The following NGEF variants were observed in gnomAD, a reference collection of about 807,000 sequenced individuals.
NGEF encodes ephexin-1.
NGEF carries 31 observed loss-of-function variants against 80.9 expected under a neutral mutation model. The ratio of observed to expected loss-of-function variants is 0.38; its 90% CI spans 0.29 to 0.52. NGEF has a LOEUF of 0.52. NGEF is among the 20% of genes least tolerant of loss of function. NGEF has a pLI of 0.84. For missense variants in NGEF, 709 were observed against 926.2 expected, an observed-to-expected ratio of 0.77 and a Z score of 3.04; for synonymous variants, 371 against 370.2, an observed-to-expected ratio of 1.00 and a Z score of -0.03.
intron 8 of NGEF, chr2:232,890,830 C>T (rs1275382731): frequency 1.5e-5 from 7 of 456,948 alleles, no homozygotes; most frequent in Middle Eastern, 6.5e-4. Context: ...ACACTGAGGA[C>T]AGGACCCAAT....
chr2:232,887,841 G>T (rs2250660), intron 9 of NGEF, among the ~76,000 whole-genome samples, 192 bp downstream of exon 9: 1 of 152,066 alleles, frequency 6.6e-6, no homozygotes, highest in African/African-American at 2.4e-5. Context: ...GGTAAAGAAG[G>T]CTCTCTACCC....
chr2:232,963,498 TAA>T (rs1206270866), intron 3 of NGEF, among the ~76,000 whole-genome samples: 2 of 151,914 alleles, frequency 1.3e-5, no homozygotes, highest in African/African-American at 4.9e-5. Flanking sequence ...TCATCAAAAT[TAA>T]AAATTTCTGC....
intron 3 of NGEF, among the ~76,000 whole-genome samples, chr2:232,939,889 C>T (rs563368822): frequency 1.1e-4 from 17 of 151,720 alleles, no homozygotes; most frequent in Admixed American, 3.3e-4. Flanking sequence ...CCCAGTTACT[C>T]GGGAGGCTGA....
rs1024409628 is a variant in NGEF, at chr2:232,885,298, C to T, written c.1419G>A (p.Lys473=). The stretch of plus-strand genomic sequence containing the variant: ...GGTTCACCTTGATCTTGAACTCCAT[C>T]TTCTTCTGAATGCTGATCATCTGTT... ...RTEQMISIQK[K]MEFKIKSVPI... Residue 473 remains lysine (K), a synonymous_variant, in exon 10 of 15, where the codon AAG becomes AAA. Coordinates refer to ENST00000264051, the MANE Select transcript of NGEF (RefSeq NM_019850.3). The T allele has an allele frequency of 1.2e-6, 2 of 1,614,096 alleles. No homozygotes were observed. The highest frequency in any genetic ancestry group is 1.7e-5 in the Admixed American group (1 of 60,030).
At chr2:233,005,318 G>T (rs936340125) in intron 1 of NGEF, among the ~76,000 whole-genome samples, 1 of 152,204 alleles carries the variant, frequency 6.6e-6, no homozygotes, top group African/African-American at 2.4e-5. Flanking sequence ...GGGGAGCAGT[G>T]CCCTTGGGGC....
intron 3 of NGEF, among the ~76,000 whole-genome samples, chr2:232,947,844 GA>G (rs1693590521): frequency 6.6e-6 from 1 of 152,166 alleles, no homozygotes; most frequent in African/African-American, 2.4e-5. Context: ...GTCAGTCACA[GA>G]AAAAGAAAGA....
At chr2:232,907,688 GT>G (rs202106041) in intron 5 of NGEF, among the ~76,000 whole-genome samples, 1 of 47,604 alleles carries the variant, frequency 2.1e-5, no homozygotes, top group Non-Finnish European at 4.2e-5. Context: ...ATAAAAGAAA[GT>G]AAAAAAAAAA....
At chr2:232,938,929 C>T (rs1394278831) in intron 3 of NGEF, among the ~76,000 whole-genome samples, 9 of 151,730 alleles carry the variant, frequency 5.9e-5, no homozygotes, top group Admixed American at 5.9e-4. Context: ...GCCTGTAATC[C>T]CAGCACTTTG....
At chr2:232,970,057 T>C (rs1408121506) in intron 3 of NGEF, 157 bp downstream of exon 3, 19 of 406,164 alleles carry the variant, frequency 4.7e-5, no homozygotes, top group East Asian at 1.7e-4. Context: ...TTTTAAATTA[T>C]GGAGTTTTTA....
chr2:232,942,904 C>CTTTTTT (rs60735452), intron 3 of NGEF, among the ~76,000 whole-genome samples: 1 of 117,894 alleles, frequency 8.5e-6, no homozygotes, highest in Non-Finnish European at 1.7e-5. Context: ...AGTGAAATTT[C>CTTTTTT]TTTTTTTTTT....
At chr2:232,974,108 G>A (rs6437078) in intron 2 of NGEF, among the ~76,000 whole-genome samples, 89,649 of 152,080 alleles carry the variant, frequency 0.59, 27,627 homozygotes, top group African/African-American at 0.73. Flanking sequence ...TCTGCTCAAT[G>A]CATATATTTT....
intron 3 of NGEF, among the ~76,000 whole-genome samples, chr2:232,940,306 A>C (rs1168696522): frequency 6.6e-6 from 1 of 152,260 alleles, no homozygotes; most frequent in East Asian, 1.9e-4. Context: ...GAAACACAGC[A>C]ATCAAAGAGT....
chr2:232,987,679 C>T (rs980371007), intron 1 of NGEF, among the ~76,000 whole-genome samples: 3 of 152,134 alleles, frequency 2.0e-5, no homozygotes, highest in Non-Finnish European at 4.4e-5. Flanking sequence ...TGGGAATACG[C>T]TGCCCATGGG....
chr2:232,933,709 C>T (rs1693266068), intron 3 of NGEF, among the ~76,000 whole-genome samples: 1 of 152,216 alleles, frequency 6.6e-6, no homozygotes, highest in African/African-American at 2.4e-5. Context: ...CACAGTTCTC[C>T]AGGTTCTGGG....
intron 9 of NGEF, among the ~76,000 whole-genome samples, chr2:232,886,706 A>C (rs1391245194): frequency 6.6e-6 from 1 of 152,272 alleles, no homozygotes; most frequent in Admixed American, 6.5e-5. Flanking sequence ...TTAAAAACAG[A>C]AAACATACCC....
At chr2:232,970,385 A>C in intron 2 of NGEF, 57 bp from the exon 3 acceptor site, 3 of 1,136,598 alleles carry the variant, frequency 2.6e-6, no homozygotes, top group Non-Finnish European at 1.3e-6. Context: ...CTTTTCAGGC[A>C]ATTCTCTGTA....
intron 6 of NGEF, among the ~76,000 whole-genome samples, 189 bp from the exon 7 acceptor site, chr2:232,893,239 G>A (rs574648849): frequency 3.3e-5 from 5 of 152,252 alleles, no homozygotes; most frequent in Admixed American, 6.5e-5. Flanking sequence ...CTTGAAGAAT[G>A]ACTGTGTTTT....
intron 5 of NGEF, chr2:232,901,591 T>G (rs1692359187): frequency 9.1e-6 from 2 of 219,502 alleles, no homozygotes; most frequent in African/African-American, 2.3e-5. Flanking sequence ...GCTCACTGGC[T>G]GCCCTCCACC....
At chr2:232,944,755 A>ATATATATC (rs1693518956) in intron 3 of NGEF, among the ~76,000 whole-genome samples, 1 of 114,228 alleles carries the variant, frequency 8.8e-6, no homozygotes, top group Non-Finnish European at 1.8e-5. Flanking sequence ...ATATATATAT[A>ATATATATC]TATATATCTT....
Sources: gnomAD v4.1 joint callset for allele counts (sites outside exome capture counted in the v4.1 genomes callset) on GRCh38, gnomAD v4.1.1 for gene constraint, MANE v1.5 for transcripts, NCBI Gene and HGNC (gene_info 2026-07-23, HGNC 2026-07-21) for gene names.